Variants in GABBR1 observed in about 807,000 individuals in gnomAD.
GABBR1 encodes the protein GABA-B receptor, R1 subunit.
GABBR1 carries 35 observed loss-of-function variants against 117.7 expected under a neutral mutation model. That is an observed-to-expected ratio of 0.30 (90% CI 0.23 to 0.39). GABBR1 has a LOEUF of 0.39. Ranked by LOEUF, GABBR1 falls within the 10% of genes least tolerant of loss-of-function variation. GABBR1 has a pLI of 1.00. For synonymous variants in GABBR1, 442 were observed against 486.6 expected, an observed-to-expected ratio of 0.91 and a Z score of 1.21; for missense variants, 709 against 1,241.8, an observed-to-expected ratio of 0.57 and a Z score of 6.45.
rs1764415217 is a variant in GABBR1, at chr6:29,627,538, C to A, written c.605G>T (p.Arg202Leu). Reference sequence around the variant, plus strand: ...CTCATAGTCCGGCAGGATGTCCCTGCGGCTATTCACGTCCTCCAGCGCCAT... The same window carrying A: ...CTCATAGTCCGGCAGGATGTCCCTGAGGCTATTCACGTCCTCCAGCGCCAT... Reference protein sequence around the residue: ...VEMALEDVNSRRDILPDYELK... With the variant: ...VEMALEDVNSLRDILPDYELK... The change falls in exon 6 of 23, where the codon CGC becomes CTC. Residue 202 changes from arginine (R) to leucine (L), a missense_variant. By Grantham distance (102) the Arg-to-Leu change is moderately radical. This residue lies in a region of GABBR1 where 192 missense variants were observed against 418.4 expected (regional missense o/e 0.46). Transcript: ENST00000377034. The surrounding 1 kb of genome is among the most constrained non-coding windows in gnomAD (Gnocchi z 4.4). 1.2e-6 allele frequency: 2 copies of A among 1,600,064 alleles called. No individual in the cohort carries two copies. Among genetic ancestry groups the A allele is most frequent in the African/African-American group, 2.7e-5 (2 of 74,428 alleles).
chr6:29,614,478 C>T (rs1762856843), intron 11 of GABBR1, among the ~76,000 whole-genome samples: 1 of 152,206 alleles, frequency 6.6e-6, no homozygotes, highest in South Asian at 2.1e-4. Context: ...TCATGCCTTG[C>T]TCACTTTTCT....
chr6:29,608,802 C>T, intron 15 of GABBR1, 69 bp from the exon 16 acceptor site: 2 of 1,534,954 alleles, frequency 1.3e-6, no homozygotes. Flanking sequence ...GCTGAGCTCT[C>T]CAAATACCAC....
intron 11 of GABBR1, among the ~76,000 whole-genome samples, chr6:29,615,437 C>G (rs761531947): frequency 1.3e-5 from 2 of 151,676 alleles, no homozygotes; most frequent in Non-Finnish European, 2.9e-5. Flanking sequence ...TGGTGAAACC[C>G]GTCTCTACTA....
rs754471846 is a variant in GABBR1 at position 29,631,373 on chromosome 6, G to A, written c.289+23C>T. The A allele has an allele frequency of 1.2e-6, 2 of 1,610,026 alleles. No homozygotes were observed. Among genetic ancestry groups the A allele is most frequent in the Non-Finnish European group, 1.7e-6 (2 of 1,176,718 alleles). ...GGAAAAGGAATAGTCTTGAAGAGGG[G>A]AGGGGCTTCCGAGGCTACTCACCAC... On this transcript the variant is annotated intron_variant, in intron 3 of 22. Transcript: ENST00000377034. The surrounding 1 kb of genome is among the most constrained non-coding windows in gnomAD (Gnocchi z 5.9).
At chr6:29,624,096 T>C (rs912781670) in intron 6 of GABBR1, 72 bp from the exon 7 acceptor site, 4 of 1,399,512 alleles carry the variant, frequency 2.9e-6, no homozygotes, top group Non-Finnish European at 3.8e-6. Context: ...TGCTCTTATC[T>C]TTCTCGAACA....
At chr6:29,626,847 C>T (rs973245667) in intron 6 of GABBR1, among the ~76,000 whole-genome samples, 3 of 152,108 alleles carry the variant, frequency 2.0e-5, no homozygotes, top group Admixed American at 1.3e-4. Context: ...CCTCTGCCCA[C>T]CTCTTGATCA....
At position 29,632,664 on chromosome 6, in the gene GABBR1, C is replaced by T; in HGVS notation, c.-1+186G>A. 1 of 1,452,270 alleles carries T rather than the reference C, an allele frequency of 6.9e-7. No homozygotes were observed. Among genetic ancestry groups the T allele is most frequent in the Non-Finnish European group, 9.1e-7 (1 of 1,101,164 alleles). 90.0% of individuals were successfully genotyped at this position (1,452,270 alleles called of 1,614,324 possible). A position where few individuals can be genotyped will look rare whatever the true frequency, so the allele number is the denominator to read the frequency against. ...CTCCTCTCCCCCGGCCCCCGCGGCT[C>T]GCAGAAGCCTGGCTTACCCACGCTC... On this transcript the variant is annotated intron_variant, in intron 1 of 22. Coordinates refer to ENST00000377034, the MANE Select transcript of GABBR1 (RefSeq NM_001470.4). The surrounding 1 kb of genome is among the most constrained non-coding windows in gnomAD (Gnocchi z 5.8).
intron 4 of GABBR1, among the ~76,000 whole-genome samples, chr6:29,629,558 G>A (rs987563169): frequency 2.6e-5 from 4 of 152,186 alleles, no homozygotes; most frequent in Non-Finnish European, 5.9e-5. Flanking sequence ...CCCTGTAGGT[G>A]AGGAACCTTG....
rs1763630702 is a variant in GABBR1, at chr6:29,620,428, A to G, written c.1323+673T>C. On this transcript the variant is annotated intron_variant, in intron 11 of 22. Transcript: ENST00000377034. The surrounding 1 kb of genome is among the most constrained non-coding windows in gnomAD (Gnocchi z 4.5). Reference sequence around the variant, plus strand: ...ACCCAAAATTCCTGTACTCTTTACAATGTAGTGCTGAGCAACAAAGAAGCC... The same window carrying G: ...ACCCAAAATTCCTGTACTCTTTACAGTGTAGTGCTGAGCAACAAAGAAGCC... Among the ~76,000 whole-genome samples, 1 of 152,208 alleles carries G rather than the reference A, an allele frequency of 6.6e-6. No individual in the cohort carries two copies. Among genetic ancestry groups the G allele is most frequent in the South Asian group, 2.1e-4 (1 of 4,834 alleles).
At chr6:29,616,247 G>A (rs888164817) in intron 11 of GABBR1, among the ~76,000 whole-genome samples, 2 of 151,564 alleles carry the variant, frequency 1.3e-5, no homozygotes, top group South Asian at 2.1e-4. Context: ...GTGGGCTCCC[G>A]TAATCCCAGC....
At chr6:29,624,947 G>A (rs1372644087) in intron 6 of GABBR1, among the ~76,000 whole-genome samples, 1 of 152,104 alleles carries the variant, frequency 6.6e-6, no homozygotes. Context: ...AGGGCAGAGG[G>A]GACACAGACA....
chr6:29,631,481 C>G lies in GABBR1; in HGVS notation c.204G>C (p.Arg68=), dbSNP rs1222597362. ...PVDYEIEYVC[R]GEREVVGPKV... ...TGGGCCCCACCACCTCGCGCTCCCC[C>G]CGGCACACATACTCAATCTCATAGT... The change falls in exon 3 of 23, where the codon CGG becomes CGC. Residue 68 remains arginine (R), a synonymous_variant. Transcript: ENST00000377034. The surrounding 1 kb of genome is among the most constrained non-coding windows in gnomAD (Gnocchi z 5.9). 3 of 1,614,100 alleles carry G rather than the reference C, an allele frequency of 1.9e-6. No homozygotes were observed. The highest frequency in any genetic ancestry group is 1.7e-5 in the Admixed American group (1 of 60,008).
At chr6:29,628,992 G>T in intron 5 of GABBR1, 95 bp downstream of exon 5, 3 of 1,446,676 alleles carry the variant, frequency 2.1e-6, no homozygotes, top group Non-Finnish European at 1.9e-6. Context: ...AAAGGACGAC[G>T]CCCCGTAGCC....
chr6:29,614,159 T>G (rs943310403), intron 11 of GABBR1, among the ~76,000 whole-genome samples: 1 of 152,246 alleles, frequency 6.6e-6, no homozygotes, highest in Non-Finnish European at 1.5e-5. Context: ...GATAGTTCCT[T>G]TAACTCTCTC....
In GABBR1 at chr6:29,627,447, A is replaced by G; in HGVS notation, c.657+39T>C. ...GCAGCTGGCTGGCCCCCTGCCCCGC[A>G]AGCCCCCACCTCCCACCCACCCCCA... is the stretch of plus-strand genomic sequence containing the variant. On this transcript the variant is annotated intron_variant, in intron 6 of 22. Transcript: ENST00000377034. The surrounding 1 kb of genome is among the most constrained non-coding windows in gnomAD (Gnocchi z 4.4). 1 of 701,942 alleles carries G rather than the reference A, an allele frequency of 1.4e-6. No homozygotes were observed. 43.5% of individuals were successfully genotyped at this position (701,942 alleles called of 1,614,324 possible). A position where few individuals can be genotyped will look rare whatever the true frequency, so the allele number is the denominator to read the frequency against.
In GABBR1 at chr6:29,605,791, G is replaced by A; in HGVS notation, c.2312-95C>T. The A allele has an allele frequency of 6.8e-7, 1 of 1,464,988 alleles. No individual in the cohort carries two copies. 90.7% of individuals were successfully genotyped at this position (1,464,988 alleles called of 1,614,324 possible). On this transcript the variant is annotated intron_variant, in intron 19 of 22. Transcript: ENST00000377034. The surrounding 1 kb of genome is among the most constrained non-coding windows in gnomAD (Gnocchi z 4.2). The stretch of plus-strand genomic sequence containing the variant: ...CTCTGCCCTTCACCTACTCTGAAAT[G>A]GAAAGGGGGCCCTCCTCTCCAATCC...
At chr6:29,608,952 C>T (rs932596094) in intron 15 of GABBR1, among the ~76,000 whole-genome samples, 1 of 152,198 alleles carries the variant, frequency 6.6e-6, no homozygotes, top group Admixed American at 6.5e-5. Flanking sequence ...CACAGGCCCC[C>T]ACTAGAATAC....
chr6:29,613,504 T>A lies in GABBR1; in HGVS notation c.1324-19A>T, dbSNP rs930319233. The A allele has an allele frequency of 1.2e-6, 2 of 1,609,870 alleles. No homozygotes were observed. The highest frequency in any genetic ancestry group is 2.2e-5 in the East Asian group (1 of 44,816). On this transcript the variant is annotated intron_variant, in intron 11 of 22. Transcript: ENST00000377034. The surrounding 1 kb of genome is among the most constrained non-coding windows in gnomAD (Gnocchi z 4.1). Reference sequence around the variant, plus strand: ...GGGATGTCTTGGGAGGAAAAAATCATGAGGAAAGAACTGAAATGTGTGTGG... The same window carrying A: ...GGGATGTCTTGGGAGGAAAAAATCAAGAGGAAAGAACTGAAATGTGTGTGG...
Position 29,622,574 on chromosome 6 carries a change from C to A in GABBR1, c.964-369G>T. 1 of 249,990 alleles carries A rather than the reference C, an allele frequency of 4.0e-6. No individual in the cohort carries two copies. Among genetic ancestry groups the A allele is most frequent in the African/African-American group, 2.2e-5 (1 of 45,824 alleles). 15.5% of individuals were successfully genotyped at this position (249,990 alleles called of 1,614,324 possible). ...ATGTCAACCTCAAGAGGCAAATGGG[C>A]AGACAGACAAAGGATCAGAGAAGAA... On this transcript the variant is annotated intron_variant, in intron 8 of 22. Transcript: ENST00000377034. This position sits in a 1 kb window ranked among gnomAD's most constrained non-coding sequence, Gnocchi z 4.6.
Sources: gnomAD v4.1 joint callset for allele counts (sites outside exome capture counted in the v4.1 genomes callset) on GRCh38, gnomAD v4.1.1 for gene constraint, gnomAD v4.1.1 regional missense constraint, Gnocchi (gnomAD v3.1) non-coding constraint, MANE v1.5 for transcripts, NCBI Gene and HGNC (gene_info 2026-07-23, HGNC 2026-07-21) for gene names.